CMSS1: variants seen among roughly 807,000 people sequenced by gnomAD.
The protein encoded by CMSS1 is protein CMSS1.
CMSS1 carries 33 observed loss-of-function variants against 43.5 expected under a neutral mutation model. The observed-to-expected ratio is 0.76, with a 90% CI of 0.57 to 1.01. CMSS1 has a LOEUF of 1.01. Ranked by LOEUF, CMSS1 falls within the 50% of genes least tolerant of loss-of-function variation. The pLI is 0.00. For missense variants in CMSS1, 313 were observed against 326.4 expected, an observed-to-expected ratio of 0.96 and a Z score of 0.32; for synonymous variants, 115 against 117.2, an observed-to-expected ratio of 0.98 and a Z score of 0.12.
intron 1 of CMSS1, among the ~76,000 whole-genome samples, chr3:100,098,492 G>C (rs1576057484): frequency 2.0e-5 from 3 of 152,316 alleles, no homozygotes; most frequent in South Asian, 4.1e-4. Context: ...GTACCAGGCA[G>C]ATAGCAAGCA....
intron 1 of CMSS1, among the ~76,000 whole-genome samples, chr3:99,969,554 G>A (rs1027673517): frequency 1.3e-5 from 2 of 152,190 alleles, no homozygotes; most frequent in African/African-American, 4.8e-5. Flanking sequence ...GAAGTAATGA[G>A]CCGTGCTATC....
chr3:100,129,214 ATCT>A (rs2066686982), intron 1 of CMSS1, among the ~76,000 whole-genome samples: 2 of 152,196 alleles, frequency 1.3e-5, no homozygotes, highest in African/African-American at 4.8e-5. Context: ...TAAGAACCAC[ATCT>A]TCTTCATCTT....
At chr3:99,851,493 A>G (rs1479822209) in intron 1 of CMSS1, among the ~76,000 whole-genome samples, 2 of 152,200 alleles carry the variant, frequency 1.3e-5, no homozygotes, top group Admixed American at 6.5e-5. Flanking sequence ...CTGAGCCTCA[A>G]TTTCCTCATA....
chr3:99,828,577 A>G (rs1441170553), intron 1 of CMSS1, among the ~76,000 whole-genome samples: 3 of 147,794 alleles, frequency 2.0e-5, no homozygotes, highest in Admixed American at 6.7e-5. Context: ...CTTCCTCCTA[A>G]TTAGCTAGGA....
At chr3:99,942,598 G>A (rs1416254686) in intron 1 of CMSS1, among the ~76,000 whole-genome samples, 6 of 152,176 alleles carry the variant, frequency 3.9e-5, no homozygotes, top group African/African-American at 9.6e-5. Flanking sequence ...TTGGGAGACC[G>A]AGGCGGGCGG....
At chr3:100,054,955 T>G (rs2065439445) in intron 1 of CMSS1, among the ~76,000 whole-genome samples, 1 of 152,252 alleles carries the variant, frequency 6.6e-6, no homozygotes, top group Non-Finnish European at 1.5e-5. Flanking sequence ...CAGAAACTTC[T>G]GAATGCCCTT....
chr3:99,998,657 G>A (rs1487901737), intron 1 of CMSS1, among the ~76,000 whole-genome samples: 2 of 152,170 alleles, frequency 1.3e-5, no homozygotes, highest in African/African-American at 4.8e-5. Context: ...CCGCCTCCCG[G>A]GTTCACGCGA....
intron 1 of CMSS1, among the ~76,000 whole-genome samples, chr3:99,998,368 C>T (rs1559719649): frequency 6.6e-6 from 1 of 152,142 alleles, no homozygotes; most frequent in African/African-American, 2.4e-5. Flanking sequence ...GGTGTAGCAA[C>T]CCATCTTGCA....
chr3:100,173,386 T>A (rs1187535603), intron 8 of CMSS1, among the ~76,000 whole-genome samples: 1 of 152,156 alleles, frequency 6.6e-6, no homozygotes, highest in African/African-American at 2.4e-5. Flanking sequence ...GCTAGCCTTT[T>A]TATTTTTTAT....
chr3:99,882,787 C>T (rs148705781), intron 1 of CMSS1, among the ~76,000 whole-genome samples: 7 of 152,298 alleles, frequency 4.6e-5, no homozygotes, highest in Non-Finnish European at 1.0e-4. Flanking sequence ...CTTATACTAA[C>T]TGCAAAACTA....
In CMSS1 at chr3:100,175,545, T is replaced by C. The variant is rs149086781; in HGVS notation, c.668-782T>C. On this transcript the variant is annotated intron_variant, in intron 8 of 9. Transcript: ENST00000421999. ...TGCAGAGAGTTTTTAATAACAGGCATTTGAATTATAAAAAGCATGAACAAG... is the reference window on the plus strand; with the variant it reads ...TGCAGAGAGTTTTTAATAACAGGCACTTGAATTATAAAAAGCATGAACAAG... 3.7e-3 allele frequency among the ~76,000 whole-genome samples: 560 copies of C among 152,260 alleles called. 5 individuals carry two copies. Among genetic ancestry groups the C allele is most frequent in the African/African-American group, 0.013 (533 of 41,536 alleles).
At chr3:99,943,560 C>T (rs920423800) in intron 1 of CMSS1, among the ~76,000 whole-genome samples, 24 of 152,086 alleles carry the variant, frequency 1.6e-4, no homozygotes, top group East Asian at 9.7e-4. Context: ...AAAAATTAGC[C>T]GGGCGTGGTG....
In CMSS1 at chr3:99,838,131, A is replaced by G. The variant is rs138393933; in HGVS notation, c.64+20088A>G. The stretch of plus-strand genomic sequence containing the variant: ...TTGTGCCCTTTGCTTATAGAATCTT[A>G]CCTTAGGATAAAGTGGACACTGACT... On this transcript the variant is annotated intron_variant, in intron 1 of 9. Coordinates refer to ENST00000421999, the MANE Select transcript of CMSS1 (RefSeq NM_032359.4). Among the ~76,000 whole-genome samples the G allele has an allele frequency of 6.7e-3, 1,027 of 152,242 alleles. 3 individuals are homozygous for G. The highest frequency in any genetic ancestry group is 8.6e-3 in the African/African-American group (357 of 41,536).
chr3:99,916,437 T>TACACACACACACACAC (rs10529210), intron 1 of CMSS1, among the ~76,000 whole-genome samples: 65 of 137,176 alleles, frequency 4.7e-4, no homozygotes, highest in African/African-American at 1.8e-3. Flanking sequence ...TAACGGTTTA[T>TACACACACACACACAC]ACACACACAC....
intron 1 of CMSS1, among the ~76,000 whole-genome samples, chr3:100,082,511 C>T (rs2065947913): frequency 6.6e-6 from 1 of 152,156 alleles, no homozygotes; most frequent in Non-Finnish European, 1.5e-5. Context: ...TTCCAGGAAT[C>T]TCTTGGAGAA....
intron 1 of CMSS1, among the ~76,000 whole-genome samples, chr3:99,958,202 G>A (rs965447061): frequency 8.1e-6 from 1 of 123,680 alleles, no homozygotes; most frequent in Admixed American, 8.9e-5. Context: ...AGCCCTGCAT[G>A]CATTATTATT....
At chr3:100,151,695 GGAGATCGA>G (rs1465496413) in intron 2 of CMSS1, among the ~76,000 whole-genome samples, 1 of 152,114 alleles carries the variant, frequency 6.6e-6, no homozygotes, top group Non-Finnish European at 1.5e-5. Flanking sequence ...ATGAGTACCG[GGAGATCGA>G]GATCATGAGG....
chr3:99,962,539 A>G (rs983065627), intron 1 of CMSS1, among the ~76,000 whole-genome samples: 2 of 152,184 alleles, frequency 1.3e-5, no homozygotes, highest in African/African-American at 4.8e-5. Flanking sequence ...TGTTTGGAGA[A>G]AGAAGAGGAA....
chr3:99,906,245 C>A (rs964487512), intron 1 of CMSS1, among the ~76,000 whole-genome samples: 6 of 152,122 alleles, frequency 3.9e-5, no homozygotes, highest in Non-Finnish European at 8.8e-5. Flanking sequence ...CTGTAGTACT[C>A]CCTCGTTGTA....
Sources: allele counts gnomAD v4.1 joint callset (sites outside exome capture counted in the v4.1 genomes callset), GRCh38; gene constraint gnomAD v4.1.1; transcripts MANE v1.5; gene names NCBI Gene and HGNC (gene_info 2026-07-23, HGNC 2026-07-21).